Variants in MAD1L1 observed in about 807,000 individuals in gnomAD.
MAD1L1 encodes the protein mitotic arrest deficient 1 like 1.
Under a neutral mutation model 96.9 loss-of-function variants are expected in MAD1L1, and 95 were observed. The ratio of observed to expected loss-of-function variants is 0.98; its 90% CI spans 0.83 to 1.16. The LOEUF (loss-of-function observed/expected upper bound fraction) is 1.16, where lower values mean the gene tolerates loss of function less well. Among genes scored for constraint, MAD1L1 ranks in the 50% most tolerant of loss-of-function variants. MAD1L1 has a pLI of 0.00. For missense variants in MAD1L1, 1,007 were observed against 954.4 expected (o/e 1.06, Z -0.73); for synonymous variants, 473 against 396.6 (o/e 1.19, Z -2.29).
chr7:1,902,984 G>A (rs148643845), intron 17 of MAD1L1, among the ~76,000 whole-genome samples: 1 of 151,092 alleles, frequency 6.6e-6, no homozygotes, highest in African/African-American at 2.4e-5. Context: ...GTGGCCTACA[G>A]AAGACGCTCT....
intron 11 of MAD1L1, among the ~76,000 whole-genome samples, chr7:2,141,506 C>G (rs1789030030): frequency 6.6e-6 from 1 of 152,190 alleles, no homozygotes; most frequent in African/African-American, 2.4e-5. Context: ...TCTATGTCCC[C>G]CAACCCGGGA....
intron 17 of MAD1L1, among the ~76,000 whole-genome samples, chr7:1,932,174 T>C (rs543287851): frequency 9.5e-4 from 145 of 152,206 alleles, no homozygotes; most frequent in African/African-American, 3.4e-3. Flanking sequence ...CTGCTCTATA[T>C]CCCAGAAACT....
intron 18 of MAD1L1, among the ~76,000 whole-genome samples, chr7:1,826,217 C>T (rs1300479049): frequency 6.6e-6 from 1 of 152,186 alleles, no homozygotes; most frequent in Non-Finnish European, 1.5e-5. Context: ...TGCTGCACAT[C>T]CACGGCCCGA....
intron 18 of MAD1L1, among the ~76,000 whole-genome samples, chr7:1,816,440 C>T (rs1204756569): frequency 4.6e-5 from 7 of 152,148 alleles, no homozygotes; most frequent in Non-Finnish European, 1.0e-4. Flanking sequence ...GTTGTCTACA[C>T]TGTCATCTAC....
intron 10 of MAD1L1, among the ~76,000 whole-genome samples, chr7:2,178,192 T>A (rs374285947): frequency 3.3e-5 from 5 of 152,252 alleles, no homozygotes; most frequent in Admixed American, 6.5e-5. Flanking sequence ...TCAGCTTTGA[T>A]AAAAACGAAA....
chr7:2,167,766 T>C (rs2159045), intron 10 of MAD1L1, among the ~76,000 whole-genome samples: 45,795 of 150,736 alleles, frequency 0.3, 8,933 homozygotes, highest in East Asian at 0.74. Flanking sequence ...CCAGGCATGA[T>C]GGTGTATGCC....
At chr7:2,008,428 G>C (rs1460855564) in intron 13 of MAD1L1, among the ~76,000 whole-genome samples, 1 of 152,238 alleles carries the variant, frequency 6.6e-6, no homozygotes, top group Admixed American at 6.5e-5. Flanking sequence ...TCACTCTCTG[G>C]GTGACCGGGT....
intron 18 of MAD1L1, among the ~76,000 whole-genome samples, chr7:1,858,001 C>A (rs548596441): frequency 6.6e-6 from 1 of 152,226 alleles, no homozygotes; most frequent in Non-Finnish European, 1.5e-5. Context: ...GTCCACAGAG[C>A]CCGAACTTTC....
At chr7:2,217,190 C>G (rs567810454) in intron 7 of MAD1L1, among the ~76,000 whole-genome samples, 1 of 152,212 alleles carries the variant, frequency 6.6e-6, no homozygotes, top group Admixed American at 6.5e-5. Flanking sequence ...CTTTTCCCTA[C>G]GGTACCCAGT....
intron 18 of MAD1L1, among the ~76,000 whole-genome samples, chr7:1,882,012 C>T (rs1265362448): frequency 5.9e-5 from 9 of 152,168 alleles, no homozygotes; most frequent in Non-Finnish European, 1.0e-4. Context: ...TCCCCCACAC[C>T]CTCTCTAAGG....
chr7:1,912,264 G>A (rs982416805), intron 17 of MAD1L1, among the ~76,000 whole-genome samples: 26 of 152,390 alleles, frequency 1.7e-4, no homozygotes, highest in Admixed American at 1.6e-3. Flanking sequence ...ATGGCCATCT[G>A]AGAGACAGAC....
At chr7:2,017,442 TG>T (rs1782591689) in intron 12 of MAD1L1, among the ~76,000 whole-genome samples, 1 of 152,220 alleles carries the variant, frequency 6.6e-6, no homozygotes, top group Admixed American at 6.5e-5. Flanking sequence ...CGGCATCACC[TG>T]GAAGAAGTCA....
intron 18 of MAD1L1, among the ~76,000 whole-genome samples, chr7:1,861,031 G>A (rs538015820): frequency 6.6e-6 from 1 of 152,194 alleles, no homozygotes; most frequent in African/African-American, 2.4e-5. Context: ...CCCTCCCCTC[G>A]GAAGCCGTCA....
intron 15 of MAD1L1, among the ~76,000 whole-genome samples, chr7:1,959,728 C>G (rs923876767): frequency 1.3e-5 from 2 of 152,160 alleles, no homozygotes; most frequent in African/African-American, 4.8e-5. Context: ...ATAAAGATGC[C>G]TTCAGATCAG....
At chr7:1,886,559 C>T (rs531321727) in intron 18 of MAD1L1, among the ~76,000 whole-genome samples, 1 of 152,356 alleles carries the variant, frequency 6.6e-6, no homozygotes, top group Admixed American at 6.5e-5. Flanking sequence ...AGAGGGCCCA[C>T]CTGGGGCTCG....
Position 2,068,075 on chromosome 7 carries a change from G to T in MAD1L1, c.1218+1119C>A, listed in dbSNP as rs375029310. ...CGTGCCTGACCATGCAGCAGGGCTG[G>T]GTGTCCCCTCTGCCAGAGGCAGCAG... On this transcript the variant is annotated intron_variant, in intron 12 of 18. Transcript: ENST00000265854. Among the ~76,000 whole-genome samples, 16 of 152,378 alleles carry T rather than the reference G, an allele frequency of 1.1e-4. 1 individual carries two copies. The highest frequency in any genetic ancestry group is 3.6e-4 in the African/African-American group (15 of 41,598).
chr7:1,995,878 C>G (rs754374961), intron 14 of MAD1L1, among the ~76,000 whole-genome samples: 2 of 152,192 alleles, frequency 1.3e-5, no homozygotes, highest in African/African-American at 2.4e-5. Context: ...AGTAGCACTT[C>G]GTCGTGGAGC....
intron 16 of MAD1L1, among the ~76,000 whole-genome samples, chr7:1,945,378 C>G (rs1407319957): frequency 3.3e-5 from 5 of 152,252 alleles, no homozygotes. Flanking sequence ...TGAACACTTA[C>G]TACACTCGGA....
intron 16 of MAD1L1, among the ~76,000 whole-genome samples, chr7:1,940,917 C>A (rs1456277241): frequency 1.3e-5 from 2 of 149,956 alleles, no homozygotes; most frequent in African/African-American, 5.0e-5. Flanking sequence ...TGACCCAGAG[C>A]AGTGAGACCC....
Sources: allele counts gnomAD v4.1 joint callset (sites outside exome capture counted in the v4.1 genomes callset), GRCh38; gene constraint gnomAD v4.1.1; transcripts MANE v1.5; gene names NCBI Gene and HGNC (gene_info 2026-07-23, HGNC 2026-07-21).